NXPH4: variants seen among roughly 807,000 people sequenced by gnomAD.
NXPH4 encodes neurexophilin-4.
In NXPH4, 8 loss-of-function variants were observed where a neutral mutation model predicts 21.3. The observed-to-expected ratio is 0.38, with a 90% CI of 0.22 to 0.68. The LOEUF is 0.68. Ranked by LOEUF, NXPH4 falls within the 30% of genes least tolerant of loss-of-function variation. NXPH4 has a pLI of 0.53. For missense variants in NXPH4, 418 were observed against 416.8 expected (o/e 1.00, Z -0.03); for synonymous variants, 219 against 192.6 (o/e 1.14, Z -1.13).
intron 1 of NXPH4, among the ~76,000 whole-genome samples, chr12:57,222,525 C>T (rs2037101861): frequency 6.6e-6 from 1 of 152,084 alleles, no homozygotes; most frequent in Non-Finnish European, 1.5e-5. Flanking sequence ...TAGGGGGGAC[C>T]TGGATGACTG....
Position 57,216,811 on chromosome 12 carries a change from TCG to T in NXPH4, c.-155_-154del, listed in dbSNP as rs1189096967. On this transcript the variant is annotated 5_prime_UTR_variant, in exon 1 of 2. Transcript: ENST00000349394. The surrounding 1 kb of genome is among the most constrained non-coding windows in gnomAD (Gnocchi z 5.3). ...CCGCCCCCAGCGCCGGCTCCGCGCC[TCG>T]CGCCCAGTCCGCGGGCCGCGCCGCC... The T allele has an allele frequency of 8.0e-5, 13 of 161,562 alleles. No homozygotes were observed. The highest frequency in any genetic ancestry group is 1.4e-4 in the African/African-American group (3 of 21,724). 10.0% of individuals were successfully genotyped at this position (161,562 alleles called of 1,614,324 possible). A position where few individuals can be genotyped will look rare whatever the true frequency, so the allele number is the denominator to read the frequency against.
Position 57,224,942 on chromosome 12 carries a change from C to A in NXPH4, c.122C>A (p.Ala41Asp). 7.2e-7 allele frequency: 1 copy of A among 1,389,384 alleles called. No individual in the cohort carries two copies. The allele number at this position is 1,389,384 out of a possible 1,614,324, so 86.1% of individuals were successfully genotyped here. A position where few individuals can be genotyped will look rare whatever the true frequency, so the allele number is the denominator to read the frequency against. The stretch of plus-strand genomic sequence containing the variant: ...TACCTGGGGCTGCGCCCCGCCGCGG[C>A]CGGAGCGGGTGCCCCCGGCCAGCAG... ...PQYLGLRPAAAGAGAPGQQLP... is the reference protein window; with the variant it reads ...PQYLGLRPAADGAGAPGQQLP... The change falls in exon 2 of 2, where the codon GCC (alanine) becomes GAC (aspartate). Residue 41 changes from alanine (A) to aspartate (D), a missense_variant. Coordinates refer to ENST00000349394, the MANE Select transcript of NXPH4 (RefSeq NM_007224.4).
chr12:57,225,583 C>T lies in NXPH4; in HGVS notation c.763C>T (p.Gln255Ter). 6.2e-7 allele frequency: 1 copy of T among 1,613,490 alleles called. No individual in the cohort carries two copies. Among genetic ancestry groups the T allele is most frequent in the Admixed American group, 1.7e-5 (1 of 60,030 alleles). ...KHRPCLYDPS[Q>*]VCFTEHTQSQ... ...CCGACCGTGCCTGTACGACCCGTCG[C>T]AGGTGTGCTTCACCGAGCACACGCA... The change falls in exon 2 of 2, where the codon CAG becomes TAG. Residue 255 changes from glutamine (Q) to a stop codon, truncating the protein, a stop_gained. Coordinates refer to ENST00000349394, the MANE Select transcript of NXPH4 (RefSeq NM_007224.4). LOFTEE classifies it high-confidence loss of function.
chr12:57,225,135 C>A lies in NXPH4; in HGVS notation c.315C>A (p.Ile105=), dbSNP rs541178578. 10 of 1,554,166 alleles carry A rather than the reference C, an allele frequency of 6.4e-6. No homozygotes were observed. The highest frequency in any genetic ancestry group is 7.8e-6 in the Non-Finnish European group (9 of 1,150,916). Residue 105 remains isoleucine, a synonymous_variant, in exon 2 of 2, where the codon ATC becomes ATA. Coordinates refer to ENST00000349394, the MANE Select transcript of NXPH4 (RefSeq NM_007224.4). Reference sequence around the variant, plus strand: ...TCAAGGCGGCGCGCGCCAAAAAGATCTTCGGCTGGGGGGACTTCTACTTTC... The same window carrying A: ...TCAAGGCGGCGCGCGCCAAAAAGATATTCGGCTGGGGGGACTTCTACTTTC... ...PSIKAARAKK[I]FGWGDFYFRV...
rs2136772803 is a variant in NXPH4 at position 57,224,904 on chromosome 12, C to T, written c.84C>T (p.Ser28=). The T allele has an allele frequency of 5.9e-6, 7 of 1,182,784 alleles. No individual in the cohort carries two copies. The highest frequency in any genetic ancestry group is 2.8e-5 in the East Asian group (1 of 35,638). The allele number at this position is 1,182,784 out of a possible 1,614,324, so 73.3% of individuals were successfully genotyped here. A position where few individuals can be genotyped will look rare whatever the true frequency, so the allele number is the denominator to read the frequency against. The change falls in exon 2 of 2, where the codon TCC becomes TCT. Residue 28 remains serine (S), a synonymous_variant. Transcript: ENST00000349394. ...CCGTCAGTGCCCAGATACCAGAGTC[C>T]GGAAGGCCGCAGTACCTGGGGCTGC... is the stretch of plus-strand genomic sequence containing the variant. ...RKAVSAQIPE[S]GRPQYLGLRP...
rs771055708 is a variant in NXPH4 at position 57,225,482 on chromosome 12, G to A, written c.662G>A (p.Gly221Glu). The A allele has an allele frequency of 1.2e-6, 2 of 1,603,828 alleles. No individual in the cohort carries two copies. Among genetic ancestry groups the A allele is most frequent in the Non-Finnish European group, 1.7e-6 (2 of 1,176,378 alleles). Residue 221 changes from glycine to glutamate, a missense_variant, in exon 2 of 2, where the codon GGA becomes GAA. Coordinates refer to ENST00000349394, the MANE Select transcript of NXPH4 (RefSeq NM_007224.4). ...ALAGPLGGALGVPGAKESRAF... is the reference protein window; with the variant it reads ...ALAGPLGGALEVPGAKESRAF... ...GCGGGGCCGCTTGGGGGCGCGTTGGGAGTGCCTGGGGCCAAAGAGTCACGC... is the reference window on the plus strand; with the variant it reads ...GCGGGGCCGCTTGGGGGCGCGTTGGAAGTGCCTGGGGCCAAAGAGTCACGC...
At chr12:57,224,737 G>A (rs561069332) in intron 1 of NXPH4, 141 bp from the exon 2 acceptor site, 93 of 421,466 alleles carry the variant, frequency 2.2e-4, no homozygotes, top group Admixed American at 3.3e-4. Flanking sequence ...CTCCTCCAAG[G>A]CACGCTCCCT....
chr12:57,225,487 C>T lies in NXPH4; in HGVS notation c.667C>T (p.Pro223Ser), dbSNP rs778935144. Residue 223 changes from proline (P) to serine (S), a missense_variant, in exon 2 of 2, where the codon CCT (proline) becomes TCT (serine). Physicochemically the swap from Pro to Ser is moderately conservative, Grantham distance 74. Coordinates refer to ENST00000349394, the MANE Select transcript of NXPH4 (RefSeq NM_007224.4). ...AGPLGGALGV[P>S]GAKESRAFNC... ...GCCGCTTGGGGGCGCGTTGGGAGTGCCTGGGGCCAAAGAGTCACGCGCTTT... is the reference window on the plus strand; with the variant it reads ...GCCGCTTGGGGGCGCGTTGGGAGTGTCTGGGGCCAAAGAGTCACGCGCTTT... 9.3e-6 allele frequency: 15 copies of T among 1,605,460 alleles called. No individual in the cohort carries two copies. In the South Asian group the frequency reaches 1.3e-4, roughly 14 times the overall value.
In NXPH4 at chr12:57,217,044, G is replaced by C. The variant is rs769985754; in HGVS notation, c.57+18G>C. The C allele has an allele frequency of 2.4e-5, 38 of 1,590,198 alleles. No homozygotes were observed. In the East Asian group the frequency reaches 8.7e-4, roughly 36 times the overall value. Reference sequence around the variant, plus strand: ...TTAGGAAGGTAAGAGTGGCAGGGCTGGGGCGCTAGCGCGGGCGCGGGGTTC... The same window carrying C: ...TTAGGAAGGTAAGAGTGGCAGGGCTCGGGCGCTAGCGCGGGCGCGGGGTTC... On this transcript the variant is annotated intron_variant, in intron 1 of 1. Coordinates refer to ENST00000349394, the MANE Select transcript of NXPH4 (RefSeq NM_007224.4).
rs2037127735 is a variant in NXPH4 at position 57,225,026 on chromosome 12, G to C, written c.206G>C (p.Trp69Ser). ...LGVGRAWSWAWPTNHTGALAR... is the reference protein window; with the variant it reads ...LGVGRAWSWASPTNHTGALAR... ...GTGGGCCGCGCCTGGAGCTGGGCCTGGCCGACCAACCACACGGGGGCGCTG... is the reference window on the plus strand; with the variant it reads ...GTGGGCCGCGCCTGGAGCTGGGCCTCGCCGACCAACCACACGGGGGCGCTG... The change falls in exon 2 of 2, where the codon TGG becomes TCG. Residue 69 changes from tryptophan (W) to serine (S), a missense_variant. Trp to Ser is a radical substitution (Grantham distance 177). Transcript: ENST00000349394. 5.4e-6 allele frequency: 8 copies of C among 1,491,846 alleles called. No homozygotes were observed. The highest frequency in any genetic ancestry group is 6.3e-6 in the Non-Finnish European group (7 of 1,119,478). The allele number at this position is 1,491,846 out of a possible 1,614,324, so 92.4% of individuals were successfully genotyped here.
intron 1 of NXPH4, among the ~76,000 whole-genome samples, chr12:57,223,625 G>A (rs758233153): frequency 9.9e-5 from 15 of 152,208 alleles, no homozygotes; most frequent in African/African-American, 3.6e-4. Context: ...GCCACAGCAC[G>A]CGGCGGTGGT....
chr12:57,225,180 T>G lies in NXPH4; in HGVS notation c.360T>G (p.Phe120Leu), dbSNP rs761988252. The G allele has an allele frequency of 1.3e-5, 20 of 1,590,390 alleles. No individual in the cohort carries two copies. Among genetic ancestry groups the G allele is most frequent in the Non-Finnish European group, 1.7e-5 (20 of 1,168,672 alleles). Reference sequence around the variant, plus strand: ...ACTTTCGGGTGCATACCCTCAAGTTTTCGCTGCTGGTGACCGGCAAGATCG... The same window carrying G: ...ACTTTCGGGTGCATACCCTCAAGTTGTCGCTGCTGGTGACCGGCAAGATCG... ...DFYFRVHTLKFSLLVTGKIVD... is the reference protein window; with the variant it reads ...DFYFRVHTLKLSLLVTGKIVD... Residue 120 changes from phenylalanine (F) to leucine (L), a missense_variant, in exon 2 of 2, where the codon TTT (phenylalanine) becomes TTG (leucine). Physicochemically the swap from Phe to Leu is conservative, Grantham distance 22 (BLOSUM62 0). Transcript: ENST00000349394.
chr12:57,225,335 TC>T lies in NXPH4; in HGVS notation c.520del (p.His174ThrfsTer202). 1 of 1,568,070 alleles carries T rather than the reference TC, an allele frequency of 6.4e-7. No individual in the cohort carries two copies. ...EFGGVWLPGP[V>X]PHPLQSTLAL... is the part of the protein sequence containing the mutation. ...GGAGGAGTCTGGCTGCCCGGGCCTG[TC>T]CCCCACCCTCTGCAGTCTACGCTCG... On this transcript the variant is annotated frameshift_variant, in exon 2 of 2. Coordinates refer to ENST00000349394, the MANE Select transcript of NXPH4 (RefSeq NM_007224.4). LOFTEE classifies it high-confidence loss of function.
chr12:57,223,578 G>A (rs1014394277), intron 1 of NXPH4, among the ~76,000 whole-genome samples: 31 of 152,146 alleles, frequency 2.0e-4, no homozygotes, highest in African/African-American at 7.0e-4. Context: ...GACACACATG[G>A]TACTGCCTCC....
chr12:57,220,492 C>A (rs552825687), intron 1 of NXPH4, among the ~76,000 whole-genome samples: 5 of 151,428 alleles, frequency 3.3e-5, no homozygotes, highest in African/African-American at 9.7e-5. Context: ...AATAAAAATT[C>A]AGATAACGGT....
intron 1 of NXPH4, among the ~76,000 whole-genome samples, chr12:57,222,343 C>T (rs914024508): frequency 3.9e-5 from 6 of 152,144 alleles, no homozygotes; most frequent in African/African-American, 1.4e-4. Context: ...TGCTGAACCT[C>T]CTCCCCTCCC....
chr12:57,223,438 AC>A (rs1266752405), intron 1 of NXPH4, among the ~76,000 whole-genome samples: 4 of 152,046 alleles, frequency 2.6e-5, no homozygotes, highest in Admixed American at 2.6e-4. Context: ...CCACACACAC[AC>A]AGGCTCCTCA....
intron 1 of NXPH4, chr12:57,219,923 G>A (rs924681696): frequency 6.6e-6 from 1 of 152,564 alleles, no homozygotes; most frequent in African/African-American, 2.4e-5. Flanking sequence ...AGGCAAAGAG[G>A]GGTCAGGGAC....
At position 57,225,760 on chromosome 12, in the gene NXPH4, G is replaced by A; in HGVS notation, c.*13G>A. 6.2e-7 allele frequency: 1 copy of A among 1,603,888 alleles called. No homozygotes were observed. Among genetic ancestry groups the A allele is most frequent in the Non-Finnish European group, 8.5e-7 (1 of 1,173,396 alleles). On this transcript the variant is annotated 3_prime_UTR_variant, in exon 2 of 2. Transcript: ENST00000349394. ...CTACTTCGGATAGCGCCCCTCCCCAGCCAGTCCTGAGCCTCCCGCCAAATC... is the reference window on the plus strand; with the variant it reads ...CTACTTCGGATAGCGCCCCTCCCCAACCAGTCCTGAGCCTCCCGCCAAATC...
Sources: gnomAD v4.1 joint callset for allele counts (sites outside exome capture counted in the v4.1 genomes callset) on GRCh38, gnomAD v4.1.1 for gene constraint, Gnocchi (gnomAD v3.1) non-coding constraint, MANE v1.5 for transcripts, NCBI Gene and HGNC (gene_info 2026-07-23, HGNC 2026-07-21) for gene names.